NCKAP5: variants seen among roughly 807,000 people sequenced by gnomAD.
The protein encoded by NCKAP5 is NCK associated protein 5, also known as nck-associated protein 5.
A neutral mutation model predicts 167.0 loss-of-function variants in NCKAP5; 92 were observed. The observed-to-expected ratio is 0.55, with a 90% confidence interval of 0.47 to 0.66. The LOEUF (loss-of-function observed/expected upper bound fraction) is 0.66. Among genes scored for constraint, NCKAP5 ranks in the 30% least tolerant of loss-of-function variants. The pLI is 0.00. For missense variants in NCKAP5, 2,378 were observed against 2,315.0 expected (o/e 1.03, Z -0.56); for synonymous variants, 891 against 877.4 (o/e 1.02, Z -0.27).
chr2:133,490,607 C>T (rs182991373), intron 3 of NCKAP5, among the ~76,000 whole-genome samples: 13 of 152,250 alleles, frequency 8.5e-5, no homozygotes, highest in East Asian at 1.9e-4. Context: ...TATTTCTGCA[C>T]GGTCAGCATA....
chr2:132,885,581 C>T (rs1215569013), intron 8 of NCKAP5, among the ~76,000 whole-genome samples: 1 of 152,136 alleles, frequency 6.6e-6, no homozygotes, highest in Non-Finnish European at 1.5e-5. Context: ...TCTAAAAATC[C>T]TTAAATGTCC....
chr2:133,198,594 G>T lies in NCKAP5; in HGVS notation c.207+15122C>A, dbSNP rs184967245. On this transcript the variant is annotated intron_variant, in intron 5 of 19. Coordinates refer to ENST00000409261, the MANE Select transcript of NCKAP5 (RefSeq NM_207363.3). ...AGTAAAAAATAATTAGGATTCAGGA[G>T]CTCTATGCCAACAACTATCAAATAT... Among the ~76,000 whole-genome samples, 213 of 152,216 alleles carry T rather than the reference G, an allele frequency of 1.4e-3. 1 individual carries two copies. The highest frequency in any genetic ancestry group is 2.3e-3 in the Non-Finnish European group (159 of 67,996).
chr2:133,526,369 C>A (rs1334985033), intron 2 of NCKAP5, among the ~76,000 whole-genome samples: 1 of 148,828 alleles, frequency 6.7e-6, no homozygotes, highest in Non-Finnish European at 1.5e-5. Flanking sequence ...TTCAAGGAGA[C>A]CTAAAATGTA....
intron 5 of NCKAP5, among the ~76,000 whole-genome samples, chr2:133,211,472 C>T (rs1025336715): frequency 6.6e-6 from 1 of 152,112 alleles, no homozygotes; most frequent in Non-Finnish European, 1.5e-5. Flanking sequence ...TCAAATGATC[C>T]TCCTCCAATG....
chr2:132,765,308 C>CTTA (rs1218963552), intron 16 of NCKAP5, among the ~76,000 whole-genome samples: 7 of 114,290 alleles, frequency 6.1e-5, no homozygotes, highest in African/African-American at 2.4e-4. Flanking sequence ...TTCTTTCTTT[C>CTTA]TTTTTTTTTT....
chr2:133,627,351 T>C, the NCKAP5 span, among the ~76,000 whole-genome samples: 1 of 152,222 alleles, frequency 6.6e-6, no homozygotes, highest in Non-Finnish European at 1.5e-5. Context: ...GAACAGATAA[T>C]TCACAAATTT....
At chr2:133,144,335 T>C (rs2083108766) in intron 5 of NCKAP5, among the ~76,000 whole-genome samples, 1 of 152,074 alleles carries the variant, frequency 6.6e-6, no homozygotes, top group Non-Finnish European at 1.5e-5. Flanking sequence ...AAAAAACTAT[T>C]ACAAAAATAG....
chr2:133,517,739 C>A (rs1005506840), intron 2 of NCKAP5, among the ~76,000 whole-genome samples, 152 bp from the exon 3 acceptor site: 1 of 152,188 alleles, frequency 6.6e-6, no homozygotes, highest in Non-Finnish European at 1.5e-5. Flanking sequence ...CAAAAGACCA[C>A]TCCGTGTTAC....
intron 7 of NCKAP5, among the ~76,000 whole-genome samples, chr2:132,982,492 T>G (rs764092201): frequency 6.6e-6 from 1 of 152,206 alleles, no homozygotes; most frequent in Non-Finnish European, 1.5e-5. Context: ...TGGGACTTCA[T>G]AGCAGTCTTT....
chr2:133,018,219 G>C (rs927606139), intron 6 of NCKAP5, among the ~76,000 whole-genome samples: 10 of 152,134 alleles, frequency 6.6e-5, no homozygotes, highest in Non-Finnish European at 1.3e-4. Flanking sequence ...GCGGTGCAGG[G>C]GTTCTATGCA....
chr2:132,694,837 A>G (rs924654969), intron 19 of NCKAP5, among the ~76,000 whole-genome samples: 1 of 152,196 alleles, frequency 6.6e-6, no homozygotes, highest in Non-Finnish European at 1.5e-5. Flanking sequence ...AATTTTGGTA[A>G]AGGCCGAGCT....
At chr2:133,470,081 G>C (rs1185489818) in intron 3 of NCKAP5, among the ~76,000 whole-genome samples, 1 of 151,906 alleles carries the variant, frequency 6.6e-6, no homozygotes, top group South Asian at 2.1e-4. Context: ...GAGGAGGAGA[G>C]GTGCTCTGCT....
intron 10 of NCKAP5, among the ~76,000 whole-genome samples, chr2:132,867,468 C>T (rs568074796): frequency 8.0e-4 from 122 of 152,220 alleles, no homozygotes; most frequent in Non-Finnish European, 1.2e-3. Context: ...ACCTCTTTGC[C>T]GGGTTTGTTT....
intron 15 of NCKAP5, among the ~76,000 whole-genome samples, chr2:132,780,168 T>C (rs1310890019): frequency 1.3e-5 from 2 of 152,228 alleles, no homozygotes; most frequent in Admixed American, 1.3e-4. Context: ...ATTTATTTTT[T>C]TGAGAAGGAG....
intron 16 of NCKAP5, among the ~76,000 whole-genome samples, chr2:132,767,646 G>A (rs1234299496): frequency 6.6e-6 from 1 of 152,214 alleles, no homozygotes; most frequent in Non-Finnish European, 1.5e-5. Flanking sequence ...ACACAGATGT[G>A]AGTTGGTTTA....
chr2:133,577,677 C>T, the NCKAP5 span, among the ~76,000 whole-genome samples: 1 of 152,204 alleles, frequency 6.6e-6, no homozygotes, highest in East Asian at 1.9e-4. Flanking sequence ...CTTCCCCCAC[C>T]CCACAACAGT....
At chr2:133,073,920 T>C (rs1489649142) in intron 6 of NCKAP5, among the ~76,000 whole-genome samples, 1 of 152,218 alleles carries the variant, frequency 6.6e-6, no homozygotes, top group Non-Finnish European at 1.5e-5. Flanking sequence ...TAATGGCTAC[T>C]GAGGCAAATG....
intron 5 of NCKAP5, among the ~76,000 whole-genome samples, chr2:133,192,142 C>T (rs1333209214): frequency 1.3e-5 from 2 of 151,972 alleles, no homozygotes; most frequent in African/African-American, 4.8e-5. Context: ...AATACACCTG[C>T]ATGAATAAGT....
chr2:133,274,659 A>G (rs1286329188), intron 4 of NCKAP5, among the ~76,000 whole-genome samples: 1 of 152,036 alleles, frequency 6.6e-6, no homozygotes, highest in Non-Finnish European at 1.5e-5. Context: ...TTGGAATAGA[A>G]AGAGACCCTA....
Sources: gnomAD v4.1 joint callset for allele counts (sites outside exome capture counted in the v4.1 genomes callset) on GRCh38, gnomAD v4.1.1 for gene constraint, MANE v1.5 for transcripts, NCBI Gene and HGNC (gene_info 2026-07-23, HGNC 2026-07-21) for gene names.